Variants in TIAM1 observed in about 807,000 individuals in gnomAD.
The protein encoded by TIAM1 is rho guanine nucleotide exchange factor TIAM1.
Under a neutral mutation model 163.5 loss-of-function variants are expected in TIAM1, and 65 were observed. That is an observed-to-expected ratio of 0.40 (90% CI 0.33 to 0.49). The LOEUF is 0.49. Among genes scored for constraint, TIAM1 ranks in the 20% least tolerant of loss-of-function variants. The pLI, the probability that TIAM1 is intolerant of heterozygous loss-of-function variation, is 0.77. For missense variants in TIAM1, 1,789 were observed against 2,044.7 expected (o/e 0.87, Z 2.41); for synonymous variants, 833 against 810.1 (o/e 1.03, Z -0.48).
At chr21:31,292,519 G>A (rs901672854) in intron 2 of TIAM1, among the ~76,000 whole-genome samples, 1 of 150,432 alleles carries the variant, frequency 6.6e-6, no homozygotes, top group East Asian at 2.0e-4. Context: ...ACAAGCATGC[G>A]CCACCAGGCC....
At chr21:31,130,983 T>C (rs2082393752) in intron 23 of TIAM1, 35 bp from the exon 24 acceptor site, 1 of 1,592,108 alleles carries the variant, frequency 6.3e-7, no homozygotes. Context: ...TTATGGTATG[T>C]CATGTGTAGG....
chr21:31,377,734 TC>T (rs2076711639), intron 2 of TIAM1, among the ~76,000 whole-genome samples: 1 of 151,900 alleles, frequency 6.6e-6, no homozygotes, highest in Admixed American at 6.6e-5. Flanking sequence ...GTACTGAAGA[TC>T]CCGCAGGGGT....
chr21:31,377,115 G>A (rs1463715258), intron 2 of TIAM1, among the ~76,000 whole-genome samples: 1 of 137,662 alleles, frequency 7.3e-6, no homozygotes, highest in Non-Finnish European at 1.5e-5. Context: ...CTGACCTCAA[G>A]TGATCTGCCC....
chr21:31,370,788 C>T (rs754462411), intron 2 of TIAM1, among the ~76,000 whole-genome samples: 2 of 152,020 alleles, frequency 1.3e-5, no homozygotes, highest in African/African-American at 2.4e-5. Flanking sequence ...CTTTTTGATC[C>T]AATATTTAAA....
intron 1 of TIAM1, among the ~76,000 whole-genome samples, chr21:31,506,261 TACAC>T (rs112908703): frequency 6.1e-5 from 9 of 148,584 alleles, no homozygotes; most frequent in Admixed American, 2.0e-4. Context: ...CTCACACACG[TACAC>T]ACACACACAC....
intron 2 of TIAM1, among the ~76,000 whole-genome samples, chr21:31,285,822 T>C (rs1463252170): frequency 6.6e-6 from 1 of 151,980 alleles, no homozygotes; most frequent in Non-Finnish European, 1.5e-5. Flanking sequence ...GATCACACCA[T>C]TGCACTCCAG....
intron 2 of TIAM1, among the ~76,000 whole-genome samples, chr21:31,382,325 T>C (rs991895171): frequency 6.6e-6 from 1 of 152,202 alleles, no homozygotes; most frequent in Non-Finnish European, 1.5e-5. Context: ...AAGGCATGAC[T>C]TGAGATTTAC....
At chr21:31,293,167 C>T (rs1391728706) in intron 2 of TIAM1, among the ~76,000 whole-genome samples, 1 of 151,856 alleles carries the variant, frequency 6.6e-6, no homozygotes, top group Non-Finnish European at 1.5e-5. Context: ...GCGGGGGCTG[C>T]CAAGTTTGAA....
intron 2 of TIAM1, among the ~76,000 whole-genome samples, chr21:31,286,449 T>C (rs1341038800): frequency 6.6e-6 from 1 of 152,088 alleles, no homozygotes. Flanking sequence ...GGCTCATGCC[T>C]GCAATCTTAG....
chr21:31,418,095 C>A (rs1242264810), intron 2 of TIAM1, among the ~76,000 whole-genome samples: 6 of 151,974 alleles, frequency 3.9e-5, no homozygotes, highest in Non-Finnish European at 1.5e-5. Context: ...GTGGCTCATA[C>A]CTGTAATCCC....
At position 31,275,295 on chromosome 21, in the gene TIAM1, A is replaced by C. The variant is rs191007559; in HGVS notation, c.-12+1437T>G. On this transcript the variant is annotated intron_variant, in intron 3 of 27. Transcript: ENST00000541036. ...GTATTTTCTAATGTTTTTATAGTAA[A>C]TACGTAATTCACTTTAAGGAAAGTA... 2.8e-3 allele frequency among the ~76,000 whole-genome samples: 425 copies of C among 152,222 alleles called. 1 individual carries two copies. Among genetic ancestry groups the C allele is most frequent in the African/African-American group, 9.1e-3 (379 of 41,518 alleles).
At chr21:31,173,860 A>G in intron 15 of TIAM1, among the ~76,000 whole-genome samples, 1 of 152,148 alleles carries the variant, frequency 6.6e-6, no homozygotes, top group Admixed American at 6.5e-5. Context: ...AGTCTCCGAA[A>G]CATGTTTTTT....
intron 1 of TIAM1, among the ~76,000 whole-genome samples, chr21:31,480,010 A>G (rs1210755175): frequency 6.6e-6 from 1 of 152,232 alleles, no homozygotes; most frequent in Non-Finnish European, 1.5e-5. Context: ...CAGCCCTGCT[A>G]AAGCATCAGC....
chr21:31,334,364 A>G (rs2075775236), intron 2 of TIAM1, among the ~76,000 whole-genome samples: 1 of 151,288 alleles, frequency 6.6e-6, no homozygotes, highest in Admixed American at 6.6e-5. Context: ...GACTCACTGC[A>G]GCCTCAAAGT....
intron 2 of TIAM1, among the ~76,000 whole-genome samples, chr21:31,373,433 G>A (rs2076632760): frequency 6.6e-6 from 1 of 152,102 alleles, no homozygotes; most frequent in Non-Finnish European, 1.5e-5. Context: ...GGAAGCGAAA[G>A]GCACTTCTTT....
chr21:31,523,464 G>A (rs1168164189), intron 1 of TIAM1, among the ~76,000 whole-genome samples: 2 of 152,166 alleles, frequency 1.3e-5, no homozygotes, highest in African/African-American at 4.8e-5. Context: ...AGTGAGGAAG[G>A]AAGACTAATA....
At chr21:31,464,842 C>CG (rs1307863377) in intron 1 of TIAM1, among the ~76,000 whole-genome samples, 3 of 95,434 alleles carry the variant, frequency 3.1e-5, no homozygotes, top group South Asian at 3.7e-4. Flanking sequence ...GCTTCCGTCT[C>CG]GGGAAAAAAA....
rs746695286 is a variant in TIAM1 at position 31,124,668 on chromosome 21, A to T, written c.4160T>A (p.Leu1387Gln). Residue 1387 changes from leucine (L) to glutamine (Q), a missense_variant, in exon 27 of 28, where the codon CTA becomes CAA. Around this residue, in one of 5 missense-constraint regions of TIAM1, gnomAD observed 415 missense variants for 439.2 expected, o/e 0.94. Coordinates refer to ENST00000541036, the MANE Select transcript of TIAM1 (RefSeq NM_001353694.2). ...CSSPESRKDF[L>Q]KAVHSILRDK... ...ACGCAGGATTGAATGCACAGCCTTTAGGAAATCCTTTCGGCTCTCTGGGGA... is the reference window on the plus strand; with the variant it reads ...ACGCAGGATTGAATGCACAGCCTTTTGGAAATCCTTTCGGCTCTCTGGGGA... 2 of 1,599,714 alleles carry T rather than the reference A, an allele frequency of 1.3e-6. No homozygotes were observed. Among genetic ancestry groups the T allele is most frequent in the Admixed American group, 3.5e-5 (2 of 57,806 alleles).
intron 2 of TIAM1, among the ~76,000 whole-genome samples, chr21:31,365,441 T>C (rs2076486778): frequency 6.9e-6 from 1 of 144,976 alleles, no homozygotes. Context: ...CAGGCTGGAG[T>C]GCAGGGGCAT....
Sources: allele counts gnomAD v4.1 joint callset (sites outside exome capture counted in the v4.1 genomes callset), GRCh38; gene constraint gnomAD v4.1.1; regional missense constraint gnomAD v4.1.1; transcripts MANE v1.5; gene names NCBI Gene and HGNC (gene_info 2026-07-23, HGNC 2026-07-21).